TBC1D32: variants seen among roughly 807,000 people sequenced by gnomAD.
TBC1D32 encodes protein broad-minded.
A neutral mutation model predicts 170.3 loss-of-function variants in TBC1D32; 151 were observed. The observed-to-expected ratio is 0.89, with a 90% CI of 0.78 to 1.01. The LOEUF (loss-of-function observed/expected upper bound fraction) is 1.01. Ranked by LOEUF, TBC1D32 falls within the 50% of genes least tolerant of loss-of-function variation. The pLI is 0.00. For missense variants in TBC1D32, 1,464 were observed against 1,457.1 expected, an observed-to-expected ratio of 1.00 and a Z score of -0.08; for synonymous variants, 498 against 488.0, an observed-to-expected ratio of 1.02 and a Z score of -0.27.
intron 22 of TBC1D32, among the ~76,000 whole-genome samples, chr6:121,171,667 G>A (rs1477810938): frequency 6.6e-6 from 1 of 152,080 alleles, no homozygotes; most frequent in African/African-American, 2.4e-5. Flanking sequence ...AAAAATGTAT[G>A]TGGAGGGAGG....
At chr6:121,238,213 T>G (rs77462689) in intron 20 of TBC1D32, among the ~76,000 whole-genome samples, 3,654 of 152,204 alleles carry the variant, frequency 0.024, 157 homozygotes, top group East Asian at 0.12. Flanking sequence ...TTCAAGCATT[T>G]TAGATTTCTA....
At chr6:121,302,381 T>C (rs1248837362) in intron 9 of TBC1D32, among the ~76,000 whole-genome samples, 5 of 152,264 alleles carry the variant, frequency 3.3e-5, no homozygotes, top group Admixed American at 2.6e-4. Flanking sequence ...GCAAAAATTA[T>C]AGGAGGATGT....
At chr6:121,322,549 A>G (rs887296010) in intron 1 of TBC1D32, among the ~76,000 whole-genome samples, 5 of 152,174 alleles carry the variant, frequency 3.3e-5, no homozygotes, top group African/African-American at 9.6e-5. Context: ...AACGACTGAT[A>G]TCCTTTCTCA....
At chr6:121,131,805 A>G (rs1051554937) in intron 24 of TBC1D32, 53 bp from the exon 25 acceptor site, 83 of 1,411,556 alleles carry the variant, frequency 5.9e-5, no homozygotes, top group Non-Finnish European at 5.0e-5. Flanking sequence ...ATATACTGAA[A>G]AATTATTAAT....
At chr6:121,228,157 T>C (rs1469047724) in intron 20 of TBC1D32, among the ~76,000 whole-genome samples, 1 of 152,122 alleles carries the variant, frequency 6.6e-6, no homozygotes, top group Non-Finnish European at 1.5e-5. Flanking sequence ...TAATTTTGGA[T>C]CTCTCTTATT....
In TBC1D32 at chr6:121,291,149, T is replaced by TA. The variant is rs1031330125; in HGVS notation, c.1372+903dup. On this transcript the variant is annotated intron_variant, in intron 12 of 31. Transcript: ENST00000398212. ...ATGTACCCTAAAACTTAAAGTATAA[T>TA]AAAAAAAAAAAGAAAGAAAGAAAAC... Among the ~76,000 whole-genome samples the TA allele has an allele frequency of 9.8e-3, 1,363 of 139,738 alleles. 24 individuals carry two copies. The highest frequency in any genetic ancestry group is 0.032 in the African/African-American group (1,220 of 38,276). The allele number at this position is 139,738 out of a possible 152,430, so 91.7% of individuals were successfully genotyped here.
intron 2 of TBC1D32, 97 bp downstream of exon 2, chr6:121,321,536 T>C: frequency 8.7e-7 from 1 of 1,150,934 alleles, no homozygotes; most frequent in South Asian, 1.7e-5. Flanking sequence ...TTCTGGCTGC[T>C]ATGAGGGAAA....
intron 31 of TBC1D32, among the ~76,000 whole-genome samples, chr6:121,087,551 A>G (rs1189869359): frequency 6.6e-6 from 1 of 152,218 alleles, no homozygotes; most frequent in African/African-American, 2.4e-5. Flanking sequence ...TGAAATTTAA[A>G]TCAGGAAAAG....
chr6:121,118,412 C>G (rs1779901025), intron 26 of TBC1D32, among the ~76,000 whole-genome samples: 1 of 152,120 alleles, frequency 6.6e-6, no homozygotes, highest in African/African-American at 2.4e-5. Context: ...ATAACCAATA[C>G]TTTTAACTAT....
intron 30 of TBC1D32, among the ~76,000 whole-genome samples, chr6:121,101,413 G>C (rs1778042432): frequency 6.6e-6 from 1 of 151,962 alleles, no homozygotes; most frequent in South Asian, 2.1e-4. Flanking sequence ...TTCATCCATG[G>C]GATGCGAAGC....
intron 22 of TBC1D32, among the ~76,000 whole-genome samples, chr6:121,168,712 T>TAAAAAAAAAAAAAA (rs59283869): frequency 3.2e-5 from 3 of 93,886 alleles, no homozygotes; most frequent in Admixed American, 1.2e-4. Context: ...TAGAGTATAA[T>TAAAAAAAAAAAAAA]AAAAAAAAAA....
At chr6:121,159,849 T>A (rs2128242849) in intron 24 of TBC1D32, among the ~76,000 whole-genome samples, 161 bp downstream of exon 24, 1 of 152,270 alleles carries the variant, frequency 6.6e-6, no homozygotes, top group African/African-American at 2.4e-5. Flanking sequence ...TGTACCAAGT[T>A]AGTAAGAAAC....
At chr6:121,140,425 T>A (rs980567018) in intron 24 of TBC1D32, among the ~76,000 whole-genome samples, 1 of 151,964 alleles carries the variant, frequency 6.6e-6, no homozygotes, top group South Asian at 2.1e-4. Flanking sequence ...TAATATCATC[T>A]GAAACTATCT....
At chr6:121,195,383 C>T (rs1273777) in intron 22 of TBC1D32, among the ~76,000 whole-genome samples, 125,480 of 152,082 alleles carry the variant, frequency 0.83, 54,088 homozygotes, top group Non-Finnish European at 0.94. Context: ...TGCAGATAAC[C>T]ACTCTACTTC....
intron 20 of TBC1D32, among the ~76,000 whole-genome samples, chr6:121,228,055 T>A (rs990933962): frequency 6.6e-6 from 1 of 152,136 alleles, no homozygotes; most frequent in African/African-American, 2.4e-5. Flanking sequence ...AGTTGTTGAG[T>A]TAATGACCTA....
In TBC1D32 at chr6:121,124,222, A is replaced by G. The variant is rs144160089; in HGVS notation, c.2983+2156T>C. ...CTTCTTGTATGTAGGTCTGAAAGTG[A>G]TAAGTTCCCTCAACATTTGTTTGTC... On this transcript the variant is annotated intron_variant, in intron 26 of 31. Coordinates refer to ENST00000398212, the MANE Select transcript of TBC1D32 (RefSeq NM_152730.6). 2.1e-3 allele frequency among the ~76,000 whole-genome samples: 322 copies of G among 152,224 alleles called. 1 individual carries two copies. Among genetic ancestry groups the G allele is most frequent in the African/African-American group, 7.3e-3 (302 of 41,566 alleles).
At chr6:121,118,984 T>C (rs1779972279) in intron 26 of TBC1D32, among the ~76,000 whole-genome samples, 1 of 152,086 alleles carries the variant, frequency 6.6e-6, no homozygotes, top group Non-Finnish European at 1.5e-5. Context: ...CTGGAAGACT[T>C]TTCCCCTCTT....
At chr6:121,261,769 A>G (rs142621783) in intron 15 of TBC1D32, among the ~76,000 whole-genome samples, 1 of 152,270 alleles carries the variant, frequency 6.6e-6, no homozygotes, top group African/African-American at 2.4e-5. Context: ...ACAGAACTGG[A>G]CGGAGGATGA....
At chr6:121,121,898 C>T (rs552300883) in intron 26 of TBC1D32, among the ~76,000 whole-genome samples, 4 of 151,982 alleles carry the variant, frequency 2.6e-5, no homozygotes, top group Non-Finnish European at 4.4e-5. Context: ...GCTTTATATA[C>T]CAAGCTGATG....
Sources: allele counts gnomAD v4.1 joint callset (sites outside exome capture counted in the v4.1 genomes callset), GRCh38; gene constraint gnomAD v4.1.1; transcripts MANE v1.5; gene names NCBI Gene and HGNC (gene_info 2026-07-23, HGNC 2026-07-21).